Variants in ADGRG4 observed in about 807,000 individuals in gnomAD.
ADGRG4 encodes the protein adhesion G protein-coupled receptor G4.
In ADGRG4, 122 loss-of-function variants were observed where a neutral mutation model predicts 126.2. The ratio of observed to expected loss-of-function variants is 0.97; its 90% CI spans 0.83 to 1.12. The LOEUF (loss-of-function observed/expected upper bound fraction) is 1.12, where lower values mean the gene tolerates loss of function less well. Among genes scored for constraint, ADGRG4 ranks in the 50% most tolerant of loss-of-function variants. ADGRG4 has a pLI of 0.00. For missense variants in ADGRG4, 2,481 were observed against 2,251.8 expected, an observed-to-expected ratio of 1.10 and a Z score of -2.06; for synonymous variants, 943 against 838.7, an observed-to-expected ratio of 1.12 and a Z score of -2.15.
chrX:136,349,817 G>A lies in ADGRG4; in HGVS notation c.6111G>A (p.Val2037=), dbSNP rs1289144065. 2.5e-6 allele frequency: 3 copies of A among 1,210,390 alleles called. No homozygotes were observed. Residue 2037 remains valine, a synonymous_variant, in exon 6 of 26, where the codon GTG becomes GTA. Coordinates refer to ENST00000394143, the MANE Select transcript of ADGRG4 (RefSeq NM_153834.4). ...TTATGACTTCCTCTACAGTAGAGGTGTCAAAATCAACATTTCTGACATCTG... is the reference window on the plus strand; with the variant it reads ...TTATGACTTCCTCTACAGTAGAGGTATCAAAATCAACATTTCTGACATCTG... ...PHVMTSSTVE[V]SKSTFLTSDM...
intron 5 of ADGRG4, among the ~76,000 whole-genome samples, chrX:136,334,418 G>C (rs2074937040): frequency 9.0e-6 from 1 of 111,332 alleles, no homozygotes; most frequent in African/African-American, 3.3e-5. Flanking sequence ...TCAAAAATTG[G>C]TTCAGTTATT....
intron 5 of ADGRG4, among the ~76,000 whole-genome samples, chrX:136,336,352 A>T (rs757269741): frequency 8.9e-6 from 1 of 111,829 alleles, no homozygotes; most frequent in Non-Finnish European, 1.9e-5. Context: ...GCTCTATATC[A>T]ACTAAAGTCT....
Position 136,345,389 on chromosome X carries a change from A to G in ADGRG4, c.1683A>G (p.Thr561=). 8.3e-7 allele frequency: 1 copy of G among 1,209,844 alleles called. No homozygotes were observed. The change falls in exon 6 of 26, where the codon ACA becomes ACG. Residue 561 remains threonine, a synonymous_variant. Transcript: ENST00000394143. The part of the protein sequence containing the change: ...ETSSKTFSFL[T]SFSFTGTESV... Reference sequence around the variant, plus strand: ...CCTCTAAGACCTTTTCTTTCTTAACATCCTTTTCATTTACTGGGACTGAGA... The same window carrying G: ...CCTCTAAGACCTTTTCTTTCTTAACGTCCTTTTCATTTACTGGGACTGAGA...
Position 136,349,751 on chromosome X carries a change from T to A in ADGRG4, c.6045T>A (p.Pro2015=). The A allele has an allele frequency of 8.3e-7, 1 of 1,210,073 alleles. No individual in the cohort carries two copies. Among genetic ancestry groups the A allele is most frequent in the Non-Finnish European group, 1.1e-6 (1 of 894,376 alleles). The change falls in exon 6 of 26, where the codon CCT becomes CCA. Residue 2015 remains proline, a synonymous_variant. Transcript: ENST00000394143. ...PILTWLLSSL[P]SGSPPATVSN... ...TGACATGGCTCTTATCTAGTCTCCCTTCTGGCTCCCCTCCGGCAACTGTAT... is the reference window on the plus strand; with the variant it reads ...TGACATGGCTCTTATCTAGTCTCCCATCTGGCTCCCCTCCGGCAACTGTAT...
At chrX:136,325,759 G>C (rs1291703016) in intron 5 of ADGRG4, among the ~76,000 whole-genome samples, 1 of 102,458 alleles carries the variant, frequency 9.8e-6, no homozygotes, top group Middle Eastern at 5.0e-3. Context: ...CACCCAGGCT[G>C]GAGTGCCATG....
intron 13 of ADGRG4, 45 bp from the exon 14 acceptor site, chrX:136,371,283 A>T: frequency 1.1e-6 from 1 of 908,647 alleles, no homozygotes; most frequent in Non-Finnish European, 1.5e-6. Flanking sequence ...AGAATGGCAG[A>T]AGACTAAGTC....
At chrX:136,326,647 A>G (rs1283786349) in intron 5 of ADGRG4, among the ~76,000 whole-genome samples, 1 of 111,064 alleles carries the variant, frequency 9.0e-6, no homozygotes, top group African/African-American at 3.3e-5. Flanking sequence ...TGCCTGCCTC[A>G]CCACTGAAGG....
intron 22 of ADGRG4, among the ~76,000 whole-genome samples, chrX:136,403,644 T>C (rs1347404211): frequency 2.7e-5 from 3 of 112,394 alleles, no homozygotes; most frequent in African/African-American, 9.7e-5. Context: ...CTATGCTGTG[T>C]AACTGGCAGG....
At position 136,397,896 on chromosome X, in the gene ADGRG4, A is replaced by C. The variant is rs142843080; in HGVS notation, c.8200A>C (p.Thr2734Pro). ...TGTTCCTTAGGATTTATCCAGGTCT[A>C]CAGTGGATTCAGTGAATGAACAGAT... ...FGVLMDLSRS[T>P]VDSVNEQILA... The change falls in exon 20 of 26, where the codon ACA becomes CCA. Residue 2734 changes from threonine (T) to proline (P), a missense_variant. Thr to Pro is a conservative substitution (Grantham distance 38, BLOSUM62 -1). Coordinates refer to ENST00000394143, the MANE Select transcript of ADGRG4 (RefSeq NM_153834.4). 15 of 1,203,472 alleles carry C rather than the reference A, an allele frequency of 1.2e-5. No homozygotes were observed. In the African/African-American group the frequency reaches 1.9e-4, roughly 15 times the overall value.
At chrX:136,334,274 A>T (rs1474492799) in intron 5 of ADGRG4, among the ~76,000 whole-genome samples, 5 of 110,711 alleles carry the variant, frequency 4.5e-5, no homozygotes, top group African/African-American at 1.6e-4. Context: ...TTATGTGTCT[A>T]TTTCTGAATT....
chrX:136,318,698 T>G (rs1300159204), intron 4 of ADGRG4, among the ~76,000 whole-genome samples: 1 of 111,022 alleles, frequency 9.0e-6, no homozygotes, highest in Non-Finnish European at 1.9e-5. Flanking sequence ...CAATATGATC[T>G]CAGCCTCACA....
chrX:136,312,859 C>A lies in ADGRG4; in HGVS notation c.70+4012C>A, dbSNP rs76688213. 4.6e-3 allele frequency among the ~76,000 whole-genome samples: 516 copies of A among 111,465 alleles called. 4 individuals are homozygous for A. Among genetic ancestry groups the A allele is most frequent in the African/African-American group, 0.016 (491 of 30,653 alleles). On this transcript the variant is annotated intron_variant, in intron 4 of 25. Transcript: ENST00000394143. The stretch of plus-strand genomic sequence containing the variant: ...TGACAATCAGTAATCTGTTTTCTGC[C>A]TCTATGAATTTGCCTATTCTGGACG...
intron 5 of ADGRG4, among the ~76,000 whole-genome samples, chrX:136,331,594 A>T (rs1020874250): frequency 9.0e-6 from 1 of 111,188 alleles, no homozygotes; most frequent in Non-Finnish European, 1.9e-5. Context: ...TGTTGCCACT[A>T]TTTTTCATTG....
chrX:136,389,595 T>C (rs968318621), intron 16 of ADGRG4, among the ~76,000 whole-genome samples: 94 of 112,357 alleles, frequency 8.4e-4, no homozygotes, highest in African/African-American at 2.8e-3. Context: ...ATCCCATCTA[T>C]TCATTTTACC....
chrX:136,331,171 C>G (rs2074907509), intron 5 of ADGRG4, among the ~76,000 whole-genome samples: 2 of 112,106 alleles, frequency 1.8e-5, no homozygotes, highest in African/African-American at 6.5e-5. Flanking sequence ...TTGCAAATGA[C>G]TGGATCTCAT....
chrX:136,307,191 A>G (rs1006283140), intron 3 of ADGRG4, among the ~76,000 whole-genome samples: 1 of 112,590 alleles, frequency 8.9e-6, no homozygotes, highest in African/African-American at 3.2e-5. Context: ...ATAGATAGCA[A>G]TCATATCCAT....
rs2075300317 is a variant in ADGRG4 at position 136,387,834 on chromosome X, C to T, written c.7871C>T (p.Thr2624Met). The part of the protein sequence containing the change: ...TERIPLSNLQ[T>M]ILFNFFGQTS... ...AGAATTCCTCTTAGCAACTTACAAACGATCTTGTTTAATTTCTTTGGCCAA... is the reference window on the plus strand; with the variant it reads ...AGAATTCCTCTTAGCAACTTACAAATGATCTTGTTTAATTTCTTTGGCCAA... The change falls in exon 16 of 26, where the codon ACG becomes ATG. Residue 2624 changes from threonine (T) to methionine (M), a missense_variant. Thr to Met is a moderately conservative substitution (Grantham distance 81). Transcript: ENST00000394143. 3.3e-6 allele frequency: 4 copies of T among 1,207,100 alleles called. No homozygotes were observed. Among genetic ancestry groups the T allele is most frequent in the Admixed American group, 2.2e-5 (1 of 45,653 alleles).
rs759534631 is a variant in ADGRG4, at chrX:136,348,855, A to G, written c.5149A>G (p.Ile1717Val). 1.6e-5 allele frequency: 19 copies of G among 1,206,908 alleles called. No individual in the cohort carries two copies. Among genetic ancestry groups the G allele is most frequent in the Non-Finnish European group, 2.0e-5 (18 of 894,168 alleles). ...AGCAGATGAGGCTACAACTTTGGGC[A>G]TATTATCTGGGATTACTAACAGGTC... is the stretch of plus-strand genomic sequence containing the variant. ...SQADEATTLG[I>V]LSGITNRSLS... Residue 1717 changes from isoleucine to valine, a missense_variant, in exon 6 of 26, where the codon ATA becomes GTA. Physicochemically the swap from Ile to Val is conservative, Grantham distance 29 (BLOSUM62 3). Coordinates refer to ENST00000394143, the MANE Select transcript of ADGRG4 (RefSeq NM_153834.4).
Position 136,407,763 on chromosome X carries a change from G to A in ADGRG4, c.8935+1791G>A, listed in dbSNP as rs571802705. On this transcript the variant is annotated intron_variant, in intron 23 of 25. Transcript: ENST00000394143. ...ATACCATCCTCGCTTGGTTCCCTTT[G>A]AGGCTACTGGCACTTGGTTGAATTC... 5.6e-4 allele frequency among the ~76,000 whole-genome samples: 63 copies of A among 111,809 alleles called. 2 individuals are homozygous for A. In the Middle Eastern group the frequency reaches 0.032, roughly 57 times the overall value.
Sources: allele counts gnomAD v4.1 joint callset (sites outside exome capture counted in the v4.1 genomes callset), GRCh38; gene constraint gnomAD v4.1.1; transcripts MANE v1.5; gene names NCBI Gene and HGNC (gene_info 2026-07-23, HGNC 2026-07-21).